Variants in KAT7 observed in about 807,000 individuals in gnomAD.
KAT7 encodes the protein lysine acetyltransferase 7, also known as histone acetyltransferase KAT7.
Under a neutral mutation model 82.1 loss-of-function variants are expected in KAT7, and 10 were observed. The ratio of observed to expected loss-of-function variants is 0.12; its 90% CI spans 0.08 to 0.21. KAT7 has a LOEUF of 0.21. KAT7 is among the 10% of genes least tolerant of loss of function. KAT7 has a pLI of 1.00. For missense variants in KAT7, 378 were observed against 760.9 expected, an observed-to-expected ratio of 0.50 and a Z score of 5.92; for synonymous variants, 250 against 262.5, an observed-to-expected ratio of 0.95 and a Z score of 0.46.
chr17:49,793,903 A>G (rs1228560291), intron 2 of KAT7, among the ~76,000 whole-genome samples: 2 of 152,162 alleles, frequency 1.3e-5, no homozygotes, highest in Admixed American at 6.5e-5. Context: ...TATGTTGCAC[A>G]ATGAGAGAAA....
In KAT7 at chr17:49,821,744, C is replaced by T; in HGVS notation, c.1340C>T (p.Thr447Ile). Residue 447 changes from threonine (T) to isoleucine (I), a missense_variant, in exon 11 of 15, where the codon ACA (threonine) becomes ATA (isoleucine). Thr to Ile is a moderately conservative substitution (Grantham distance 89). Transcript: ENST00000259021. The part of the protein sequence containing the change: ...DVEPFLFYVM[T>I]EADNTGCHLI... ...GAGCCCTTCCTGTTCTATGTTATGA[C>T]AGAGGCGGACAACACTGGCTGTCAC... 1 of 1,613,872 alleles carries T rather than the reference C, an allele frequency of 6.2e-7. No homozygotes were observed. Among genetic ancestry groups the T allele is most frequent in the Non-Finnish European group, 8.5e-7 (1 of 1,179,854 alleles).
rs775220184 is a variant in KAT7, at chr17:49,811,504, A to G, written c.782A>G (p.Lys261Arg). 1 of 1,551,588 alleles carries G rather than the reference A, an allele frequency of 6.4e-7. No individual in the cohort carries two copies. Among genetic ancestry groups the G allele is most frequent in the Non-Finnish European group, 8.7e-7 (1 of 1,147,060 alleles). Reference protein sequence around the residue: ...QAPTERQLRYKEKVAELRKKR... With the variant: ...QAPTERQLRYREKVAELRKKR... ...CCAACGGAGAGACAGCTTCGATATA[A>G]GGAAAAAGTGGCTGAACTCAGGAAG... The change falls in exon 7 of 15, where the codon AAG (lysine) becomes AGG (arginine). Residue 261 changes from lysine to arginine, a missense_variant. Lys to Arg is a conservative substitution (Grantham distance 26). Around this residue, in one of 6 missense-constraint regions of KAT7, gnomAD observed 102 missense variants for 129.8 expected, o/e 0.79. Transcript: ENST00000259021.
intron 2 of KAT7, among the ~76,000 whole-genome samples, chr17:49,796,118 T>A (rs2073952933): frequency 6.6e-6 from 1 of 152,164 alleles, no homozygotes; most frequent in Admixed American, 6.6e-5. Context: ...TCAGAATAGG[T>A]TTTTCTATCC....
intron 9 of KAT7, among the ~76,000 whole-genome samples, chr17:49,818,897 C>T (rs912779753): frequency 6.6e-6 from 1 of 152,202 alleles, no homozygotes; most frequent in African/African-American, 2.4e-5. Flanking sequence ...CACCACCACA[C>T]CTGGCTGATT....
rs1471272164 is a variant in KAT7 at position 49,833,276 on chromosome 17, T to G, written c.*5774T>G. The G allele has an allele frequency of 6.6e-6, 1 of 152,208 alleles. No homozygotes were observed. Among genetic ancestry groups the G allele is most frequent in the African/African-American group, 2.4e-5 (1 of 41,462 alleles). 9.4% of individuals were successfully genotyped at this position (152,208 alleles called of 1,614,324 possible). A position where few individuals can be genotyped will look rare whatever the true frequency, so the allele number is the denominator to read the frequency against. On this transcript the variant is annotated 3_prime_UTR_variant, in exon 15 of 15. Coordinates refer to ENST00000259021, the MANE Select transcript of KAT7 (RefSeq NM_007067.5). Reference sequence around the variant, plus strand: ...TATAAACATCTTTATCCTCGACAAGTCATGTTCATTCCAAGAAACCAGTCT... The same window carrying G: ...TATAAACATCTTTATCCTCGACAAGGCATGTTCATTCCAAGAAACCAGTCT...
At chr17:49,801,780 G>A (rs1598060145) in intron 4 of KAT7, among the ~76,000 whole-genome samples, 1 of 151,926 alleles carries the variant, frequency 6.6e-6, no homozygotes, top group East Asian at 1.9e-4. Flanking sequence ...GTGAGCCACT[G>A]CACCGGGCCC....
At position 49,831,173 on chromosome 17, in the gene KAT7, G is replaced by A. The variant is rs1218311353; in HGVS notation, c.*3671G>A. On this transcript the variant is annotated 3_prime_UTR_variant, in exon 15 of 15. Transcript: ENST00000259021. ...TGCCTGTAGTCTCAGCTACTTGGGA[G>A]GCTGAGGCACGAGAATCGCCTGAAC... 3.9e-5 allele frequency: 6 copies of A among 152,282 alleles called. No individual in the cohort carries two copies. The highest frequency in any genetic ancestry group is 3.9e-4 in the Admixed American group (6 of 15,276). 9.4% of individuals were successfully genotyped at this position (152,282 alleles called of 1,614,324 possible).
chr17:49,824,871 A>G (rs1347575635), intron 12 of KAT7: 2 of 152,048 alleles, frequency 1.3e-5, no homozygotes, highest in East Asian at 3.8e-4. Context: ...TGTTTTACCT[A>G]CATTTTCACT....
chr17:49,816,357 T>G (rs574657687), intron 8 of KAT7, among the ~76,000 whole-genome samples: 1 of 152,300 alleles, frequency 6.6e-6, no homozygotes, highest in South Asian at 2.1e-4. Flanking sequence ...AAGGCTGTTG[T>G]CAGATGTTTT....
At chr17:49,823,944 G>C (rs190299605) in intron 12 of KAT7, among the ~76,000 whole-genome samples, 16 of 152,168 alleles carry the variant, frequency 1.1e-4, no homozygotes, top group African/African-American at 3.6e-4. Flanking sequence ...CCTATGAGTA[G>C]TACTGATGTG....
rs769035683 is a variant in KAT7, at chr17:49,809,187, C to T, written c.732C>T (p.Asn244=). ...TGTCTCACAGGCAAGATGACAACAA[C>T]AGGCATGCAACCAGGCACCAGGTAT... is the stretch of plus-strand genomic sequence containing the variant. The part of the protein sequence containing the change: ...RMLSHRQDDN[N]RHATRHQAPT... Residue 244 remains asparagine (N), a synonymous_variant, in exon 6 of 15, where the codon AAC becomes AAT. Transcript: ENST00000259021. The T allele has an allele frequency of 6.2e-7, 1 of 1,614,050 alleles. No individual in the cohort carries two copies. Among genetic ancestry groups the T allele is most frequent in the Non-Finnish European group, 8.5e-7 (1 of 1,179,914 alleles).
chr17:49,789,050 G>C, intron 1 of KAT7: 1 of 431,920 alleles, frequency 2.3e-6, no homozygotes, highest in East Asian at 3.6e-5. Context: ...AACTATTCCC[G>C]CCCTCTGCTT....
At chr17:49,803,566 A>T (rs1185856925) in intron 4 of KAT7, among the ~76,000 whole-genome samples, 1 of 152,014 alleles carries the variant, frequency 6.6e-6, no homozygotes, top group Admixed American at 6.6e-5. Flanking sequence ...CTGGGACTAC[A>T]GGCACCCGCC....
chr17:49,800,118 T>C (rs995184048), intron 4 of KAT7, among the ~76,000 whole-genome samples: 1 of 147,250 alleles, frequency 6.8e-6, no homozygotes, highest in African/African-American at 2.5e-5. Flanking sequence ...TTCACACCAT[T>C]CTCCTGCCTC....
chr17:49,792,566 T>G (rs2073903908), intron 2 of KAT7, among the ~76,000 whole-genome samples: 1 of 152,162 alleles, frequency 6.6e-6, no homozygotes, highest in Admixed American at 6.5e-5. Flanking sequence ...TGCTGAGTGG[T>G]GGCAATGAGC....
chr17:49,807,204 A>G (rs1426646534), intron 5 of KAT7, among the ~76,000 whole-genome samples: 1 of 152,222 alleles, frequency 6.6e-6, no homozygotes. Context: ...TTAATAAGTA[A>G]ATAATTTTGT....
intron 2 of KAT7, among the ~76,000 whole-genome samples, chr17:49,794,142 C>T (rs886164781): frequency 6.6e-6 from 1 of 152,114 alleles, no homozygotes; most frequent in Non-Finnish European, 1.5e-5. Flanking sequence ...CCTCAAAGAT[C>T]TTACAGTTCA....
Position 49,788,852 on chromosome 17 carries a change from G to A in KAT7, c.15+3G>A, listed in dbSNP as rs371193337. 7.6e-6 allele frequency: 12 copies of A among 1,588,212 alleles called. No homozygotes were observed. The highest frequency in any genetic ancestry group is 2.7e-5 in the African/African-American group (2 of 73,518). On this transcript the variant is annotated splice_donor_region_variant and intron_variant, in intron 1 of 14. Transcript: ENST00000259021. ...CGCCGGCAATGCCGCGAAGGAAGGT[G>A]AGAAACGGGAGAGGAGGGATGGCGG...
At position 49,791,962 on chromosome 17, in the gene KAT7, A is replaced by G; in HGVS notation, c.92A>G (p.Glu31Gly). Residue 31 changes from glutamate to glycine, a missense_variant, in exon 2 of 15, where the codon GAA becomes GGA. Around this residue, in one of 6 missense-constraint regions of KAT7, gnomAD observed 161 missense variants for 229.6 expected, o/e 0.70. Coordinates refer to ENST00000259021, the MANE Select transcript of KAT7 (RefSeq NM_007067.5). ...GATCTCGAGCACACAGACAGTTCAG[A>G]AAGTGATGGCACATCCCGACGATCT... ...STDLEHTDSS[E>G]SDGTSRRSAR... 1 of 1,614,222 alleles carries G rather than the reference A, an allele frequency of 6.2e-7. No homozygotes were observed. The highest frequency in any genetic ancestry group is 8.5e-7 in the Non-Finnish European group (1 of 1,180,026).
Sources: gnomAD v4.1 joint callset for allele counts (sites outside exome capture counted in the v4.1 genomes callset) on GRCh38, gnomAD v4.1.1 for gene constraint, gnomAD v4.1.1 regional missense constraint, MANE v1.5 for transcripts, NCBI Gene and HGNC (gene_info 2026-07-23, HGNC 2026-07-21) for gene names.